The following ARID1B variants were observed in gnomAD, a reference collection of about 807,000 sequenced individuals.
The protein encoded by ARID1B is AT-rich interaction domain 1B.
In ARID1B, 30 loss-of-function variants were observed where a neutral mutation model predicts 212.3. The ratio of observed to expected loss-of-function variants is 0.14; its 90% confidence interval spans 0.11 to 0.19. The LOEUF (loss-of-function observed/expected upper bound fraction) is 0.19. Ranked by LOEUF, ARID1B falls within the 10% of genes least tolerant of loss-of-function variation. ARID1B has a pLI of 1.00. For synonymous variants in ARID1B, 1,402 were observed against 1,301.7 expected (o/e 1.08, Z -1.66); for missense variants, 2,891 against 3,204.0 (o/e 0.90, Z 2.36).
At chr6:157,039,953 CT>C (rs376836545) in intron 4 of ARID1B, among the ~76,000 whole-genome samples, 2 of 117,022 alleles carry the variant, frequency 1.7e-5, no homozygotes, top group Non-Finnish European at 1.8e-5. Flanking sequence ...TTTCTGTCTT[CT>C]TTTTTTTTCT....
chr6:157,186,614 C>A, intron 13 of ARID1B: 1 of 454,606 alleles, frequency 2.2e-6, no homozygotes, highest in Non-Finnish European at 4.6e-6. Flanking sequence ...AAAATTATTC[C>A]CAACTATTGG....
chr6:157,158,788 A>C (rs1442411377), intron 8 of ARID1B, among the ~76,000 whole-genome samples: 1 of 152,238 alleles, frequency 6.6e-6, no homozygotes, highest in Non-Finnish European at 1.5e-5. Flanking sequence ...GAGAAGTAAT[A>C]GCCCTCCTTG....
intron 4 of ARID1B, chr6:157,023,008 A>G (rs1028293984): frequency 6.6e-6 from 1 of 152,218 alleles, no homozygotes; most frequent in African/African-American, 2.4e-5. Flanking sequence ...AGAAATTTTC[A>G]TGTAGCAATT....
intron 3 of ARID1B, among the ~76,000 whole-genome samples, chr6:156,907,796 T>C (rs1789523888): frequency 6.6e-6 from 1 of 150,568 alleles, no homozygotes. Flanking sequence ...TTATCCCAGC[T>C]ACTTGGGAGG....
chr6:156,966,386 CTTT>C (rs1214987532), intron 4 of ARID1B, among the ~76,000 whole-genome samples: 1 of 38,918 alleles, frequency 2.6e-5, no homozygotes, highest in Non-Finnish European at 5.7e-5. Context: ...CTTTTCTTTT[CTTT>C]TTTTTTTTTT....
chr6:157,014,448 A>G (rs967647869), intron 4 of ARID1B, among the ~76,000 whole-genome samples: 2 of 152,248 alleles, frequency 1.3e-5, no homozygotes, highest in Admixed American at 6.5e-5. Flanking sequence ...GAAATCAGCT[A>G]TCATATGAGT....
chr6:157,016,041 C>T (rs1779902163), intron 4 of ARID1B, among the ~76,000 whole-genome samples: 1 of 152,176 alleles, frequency 6.6e-6, no homozygotes, highest in Non-Finnish European at 1.5e-5. Flanking sequence ...GTTCTTTTAT[C>T]TCGGAAGACA....
At chr6:157,067,453 G>C (rs1783737649) in intron 4 of ARID1B, among the ~76,000 whole-genome samples, 1 of 152,212 alleles carries the variant, frequency 6.6e-6, no homozygotes, top group African/African-American at 2.4e-5. Context: ...CCTGAGAATG[G>C]GGTACAGTTT....
At chr6:156,867,579 AT>A (rs949263263) in intron 2 of ARID1B, among the ~76,000 whole-genome samples, 19 of 150,138 alleles carry the variant, frequency 1.3e-4, no homozygotes, top group East Asian at 5.8e-4. Context: ...CACCTGATTA[AT>A]TTTTTTTTTC....
At chr6:156,879,950 G>C (rs958572318) in intron 2 of ARID1B, among the ~76,000 whole-genome samples, 1 of 152,230 alleles carries the variant, frequency 6.6e-6, no homozygotes, top group South Asian at 2.1e-4. Flanking sequence ...TGCAGCAGCA[G>C]ATGGCAAACA....
intron 13 of ARID1B, among the ~76,000 whole-genome samples, chr6:157,188,652 A>G (rs370143805): frequency 1.3e-5 from 2 of 152,202 alleles, no homozygotes; most frequent in African/African-American, 4.8e-5. Context: ...CAGAAACTCC[A>G]TGAGGGCAGG....
At chr6:157,089,875 C>T (rs1350124988) in intron 5 of ARID1B, among the ~76,000 whole-genome samples, 1 of 151,272 alleles carries the variant, frequency 6.6e-6, no homozygotes, top group African/African-American at 2.4e-5. Flanking sequence ...TAAATGATCC[C>T]ATCACGTTGC....
intron 4 of ARID1B, among the ~76,000 whole-genome samples, chr6:157,050,003 T>C (rs2128553021): frequency 6.6e-6 from 1 of 152,288 alleles, no homozygotes; most frequent in East Asian, 1.9e-4. Context: ...ACAACGCCTG[T>C]GGCCTCCAAG....
intron 4 of ARID1B, among the ~76,000 whole-genome samples, chr6:156,996,235 A>T (rs539570564): frequency 6.6e-6 from 1 of 152,278 alleles, no homozygotes; most frequent in African/African-American, 2.4e-5. Flanking sequence ...GTTCGCAAAA[A>T]CTGTAAGGAA....
At chr6:156,862,501 C>A (rs574807487) in intron 2 of ARID1B, among the ~76,000 whole-genome samples, 85 of 152,246 alleles carry the variant, frequency 5.6e-4, no homozygotes, top group Middle Eastern at 3.4e-3. Context: ...GAGAAAAAAA[C>A]CAGAAAAGAG....
intron 7 of ARID1B, among the ~76,000 whole-genome samples, chr6:157,134,049 C>T (rs1788737573): frequency 6.6e-6 from 1 of 152,146 alleles, no homozygotes; most frequent in Admixed American, 6.5e-5. Flanking sequence ...TGGCACAATT[C>T]CCAGAGTTCT....
intron 3 of ARID1B, among the ~76,000 whole-genome samples, chr6:156,905,409 C>G (rs979940465): frequency 1.3e-5 from 2 of 152,162 alleles, no homozygotes; most frequent in Non-Finnish European, 2.9e-5. Context: ...AGAATTCCTT[C>G]TTGCTTAGGT....
chr6:157,039,652 TCCTTCCTTCC>T (rs1781619527), intron 4 of ARID1B, among the ~76,000 whole-genome samples: 1 of 73,986 alleles, frequency 1.4e-5, no homozygotes, highest in African/African-American at 6.1e-5. Context: ...CTTCTTTCCT[TCCTTCCTTCC>T]TTCCTTCCTT....
Position 156,889,357 on chromosome 6 carries a change from C to T in ARID1B, c.1987-12019C>T, listed in dbSNP as rs116443349. Among the ~76,000 whole-genome samples the T allele has an allele frequency of 2.7e-3, 407 of 152,250 alleles. 1 individual carries two copies. The highest frequency in any genetic ancestry group is 9.1e-3 in the African/African-American group (376 of 41,538). On this transcript the variant is annotated intron_variant, in intron 2 of 19. Transcript: ENST00000636930. ...GGTATCGAATACTCTCGATTGGATC[C>T]TCAGGAAGAAAGTGTTTTAAAGTGT...
Sources: gnomAD v4.1 joint callset for allele counts (sites outside exome capture counted in the v4.1 genomes callset) on GRCh38, gnomAD v4.1.1 for gene constraint, MANE v1.5 for transcripts, NCBI Gene and HGNC (gene_info 2026-07-23, HGNC 2026-07-21) for gene names.